Variants in AZIN2 observed in about 807,000 individuals in gnomAD.
AZIN2 encodes antizyme inhibitor 2.
AZIN2 carries 28 observed loss-of-function variants against 47.8 expected under a neutral mutation model. The observed-to-expected ratio is 0.59, with a 90% CI of 0.43 to 0.80. The LOEUF (loss-of-function observed/expected upper bound fraction) is 0.80. Among genes scored for constraint, AZIN2 ranks in the 30% least tolerant of loss-of-function variants. AZIN2 has a pLI of 0.00. For synonymous variants in AZIN2, 221 were observed against 239.4 expected (o/e 0.92, Z 0.71); for missense variants, 535 against 582.5 (o/e 0.92, Z 0.84).
chr1:33,093,382 G>T lies in AZIN2; in HGVS notation c.553G>T (p.Ala185Ser). The T allele has an allele frequency of 6.2e-7, 1 of 1,614,090 alleles. No individual in the cohort carries two copies. Among genetic ancestry groups the T allele is most frequent in the South Asian group, 1.1e-5 (1 of 91,082 alleles). ...ATCCTGCAGACACCTGCTTGAAAAT[G>T]CGAAGAAGCACCATGTGGAGGTGGT... ...LKSCRHLLEN[A>S]KKHHVEVVGV... The change falls in exon 7 of 12, where the codon GCG (alanine) becomes TCG (serine). Residue 185 changes from alanine (A) to serine (S), a missense_variant. Transcript: ENST00000294517.
the AZIN2 span, chr1:33,160,091 A>C: frequency 3.8e-6 from 4 of 1,043,394 alleles, no homozygotes; most frequent in African/African-American, 3.2e-5. Flanking sequence ...ATGCAAAAGC[A>C]TGGTGGTAGG....
chr1:33,119,622 A>C (rs892448501), intron 11 of AZIN2: 1 of 189,476 alleles, frequency 5.3e-6, no homozygotes, highest in Non-Finnish European at 1.1e-5. Flanking sequence ...GGTATGATGA[A>C]TGTGGGCTTT....
chr1:33,131,298 G>A, the AZIN2 span, among the ~76,000 whole-genome samples: 1 of 152,218 alleles, frequency 6.6e-6, no homozygotes, highest in Non-Finnish European at 1.5e-5. Flanking sequence ...GGACAAACAA[G>A]TAAACACACA....
chr1:33,147,750 A>G, the AZIN2 span: 1 of 1,598,800 alleles, frequency 6.3e-7, no homozygotes, highest in East Asian at 2.2e-5. This position sits in a 1 kb window ranked among gnomAD's most constrained non-coding sequence, Gnocchi z 8.1. Context: ...GAGGAGGGAG[A>G]GAAGATGAGT....
chr1:33,097,941 G>C (rs1317872107), intron 9 of AZIN2, 126 bp from the exon 10 acceptor site: 2 of 664,616 alleles, frequency 3.0e-6, no homozygotes, highest in Non-Finnish European at 5.5e-6. Context: ...TTTGTTGTAG[G>C]CCTCGCCTCA....
chr1:33,094,186 T>C (rs966001151), intron 7 of AZIN2, among the ~76,000 whole-genome samples: 3 of 152,188 alleles, frequency 2.0e-5, no homozygotes, highest in Admixed American at 2.0e-4. Context: ...CCTTGTGTGG[T>C]GTGGGTCTTG....
intron 5 of AZIN2, among the ~76,000 whole-genome samples, chr1:33,088,669 C>T (rs1433711701): frequency 6.6e-6 from 1 of 152,214 alleles, no homozygotes; most frequent in Non-Finnish European, 1.5e-5. Context: ...ATTCTCTGTT[C>T]CTTGATCAGG....
chr1:33,161,506 C>T, the AZIN2 span, among the ~76,000 whole-genome samples: 43 of 152,300 alleles, frequency 2.8e-4, no homozygotes, highest in African/African-American at 9.1e-4. The surrounding 1 kb of genome is among the most constrained non-coding windows in gnomAD (Gnocchi z 4.3). Flanking sequence ...CCCTCCCCGA[C>T]GCGCGGCTGC....
Position 33,098,190 on chromosome 1 carries a change from C to G in AZIN2, c.1029+11C>G, listed in dbSNP as rs1204060687. The G allele has an allele frequency of 3.8e-6, 6 of 1,575,604 alleles. No individual in the cohort carries two copies. The highest frequency in any genetic ancestry group is 1.4e-5 in the African/African-American group (1 of 73,994). ...CCCATCCTGCAGAAGGTGAGCTTAC[C>G]CCACGTGGGCCTGTTTTCAGTTGTG... is the stretch of plus-strand genomic sequence containing the variant. On this transcript the variant is annotated intron_variant, in intron 10 of 11. Transcript: ENST00000294517.
At chr1:33,110,765 T>TGCC (rs1644251550) in intron 10 of AZIN2, among the ~76,000 whole-genome samples, 1 of 152,190 alleles carries the variant, frequency 6.6e-6, no homozygotes, top group African/African-American at 2.4e-5. Flanking sequence ...CAATCATAGT[T>TGCC]TCAGGAAGAG....
chr1:33,147,080 T>G, the AZIN2 span: 1 of 1,392,576 alleles, frequency 7.2e-7, no homozygotes, highest in Non-Finnish European at 9.9e-7. The surrounding 1 kb of genome is among the most constrained non-coding windows in gnomAD (Gnocchi z 8.1). Context: ...AGGTCTCCAG[T>G]GGCCACGGTG....
chr1:33,126,223 G>A (rs949955275), downstream of AZIN2, among the ~76,000 whole-genome samples: 1 of 152,170 alleles, frequency 6.6e-6, no homozygotes, highest in Admixed American at 6.5e-5. Flanking sequence ...CTGAATGAAG[G>A]AATGAATCTT....
chr1:33,091,919 T>C, intron 5 of AZIN2, 131 bp from the exon 6 acceptor site: 4 of 898,834 alleles, frequency 4.5e-6, no homozygotes, highest in South Asian at 1.7e-5. Context: ...GTATCTGTTG[T>C]CTTAGAGCAA....
chr1:33,097,440 A>G (rs557195129), intron 9 of AZIN2, among the ~76,000 whole-genome samples: 32 of 152,286 alleles, frequency 2.1e-4, no homozygotes, highest in African/African-American at 7.7e-4. Context: ...CATCACCAAC[A>G]TCAGTGCTCT....
chr1:33,083,379 A>G (rs1641507904), intron 4 of AZIN2: 2 of 171,436 alleles, frequency 1.2e-5, no homozygotes, highest in Non-Finnish European at 2.6e-5. Flanking sequence ...GCACATCTAC[A>G]ATGAACAGTT....
At position 33,082,316 on chromosome 1, in the gene AZIN2, C is replaced by T; in HGVS notation, c.67C>T (p.Leu23=). Residue 23 remains leucine (L), a synonymous_variant, in exon 4 of 12, where the codon CTG becomes TTG. Transcript: ENST00000294517. ...GGAGGGCTTCAGTACCCGAGACCTG[C>T]TGAAGGAACTCACTCTGGGGGCCTC... The part of the protein sequence containing the change: ...VEEGFSTRDL[L]KELTLGASQA... 6.2e-7 allele frequency: 1 copy of T among 1,614,064 alleles called. No homozygotes were observed. The highest frequency in any genetic ancestry group is 8.5e-7 in the Non-Finnish European group (1 of 1,179,980).
chr1:33,111,607 A>T (rs952923192), intron 10 of AZIN2, among the ~76,000 whole-genome samples: 3 of 144,912 alleles, frequency 2.1e-5, no homozygotes, highest in Non-Finnish European at 3.0e-5. Flanking sequence ...TATATGAATA[A>T]TTTTTTTTTT....
In AZIN2 at chr1:33,120,040, C is replaced by G; in HGVS notation, c.1245-4C>G. 6.2e-7 allele frequency: 1 copy of G among 1,613,670 alleles called. No homozygotes were observed. Among genetic ancestry groups the G allele is most frequent in the Non-Finnish European group, 8.5e-7 (1 of 1,179,922 alleles). ...TACTTGCAGCACCCCTCTCTCACCC[C>G]TAGGGAAGCGCTGCGAAGGCAGCTG... On this transcript the variant is annotated splice_region_variant and splice_polypyrimidine_tract_variant and intron_variant, in intron 11 of 11. Transcript: ENST00000294517.
chr1:33,165,635 T>G, the AZIN2 span: 284 of 1,365,436 alleles, frequency 2.1e-4, no homozygotes, highest in Non-Finnish European at 2.7e-4. The surrounding 1 kb of genome is among the most constrained non-coding windows in gnomAD (Gnocchi z 4.0). Flanking sequence ...CCCTGACCAC[T>G]GCCAGGCGCT....
Sources: allele counts gnomAD v4.1 joint callset (sites outside exome capture counted in the v4.1 genomes callset), GRCh38; gene constraint gnomAD v4.1.1; non-coding constraint Gnocchi (gnomAD v3.1); transcripts MANE v1.5; gene names NCBI Gene and HGNC (gene_info 2026-07-23, HGNC 2026-07-21).